Variants in SGCZ observed in about 807,000 individuals in gnomAD.
The protein encoded by SGCZ is sarcoglycan zeta, also known as zeta-sarcoglycan.
SGCZ carries 40 observed loss-of-function variants against 41.3 expected under a neutral mutation model. That is an observed-to-expected ratio of 0.97 (90% confidence interval 0.75 to 1.26). The LOEUF (loss-of-function observed/expected upper bound fraction) is 1.26, where lower values mean the gene tolerates loss of function less well. SGCZ is among the 50% of genes most tolerant of loss of function. The pLI, the probability that SGCZ is intolerant of heterozygous loss-of-function variation, is 0.00. For missense variants in SGCZ, 552 were observed against 369.8 expected (o/e 1.49, Z -4.04); for synonymous variants, 206 against 137.5 (o/e 1.50, Z -3.49).
chr8:15,121,394 C>G (rs1807471187), intron 1 of SGCZ, among the ~76,000 whole-genome samples: 2 of 152,248 alleles, frequency 1.3e-5, no homozygotes, highest in South Asian at 2.1e-4. Flanking sequence ...GAAAGCTTCT[C>G]AATGGAACAT....
chr8:15,148,810 A>G (rs969686575), intron 1 of SGCZ, among the ~76,000 whole-genome samples: 2 of 152,182 alleles, frequency 1.3e-5, no homozygotes, highest in African/African-American at 4.8e-5. Context: ...TTAAATTCCA[A>G]CATATTAACT....
chr8:15,148,713 T>C lies in SGCZ; in HGVS notation c.39+88872A>G, dbSNP rs1206551797. ...TTTCTCAGGTGACACTGATACGAGTTCTCCAAGCAAGCCTGGATGCTTGAC... is the reference window on the plus strand; with the variant it reads ...TTTCTCAGGTGACACTGATACGAGTCCTCCAAGCAAGCCTGGATGCTTGAC... On this transcript the variant is annotated intron_variant, in intron 1 of 7. Coordinates refer to ENST00000382080, the MANE Select transcript of SGCZ (RefSeq NM_139167.4). Among the ~76,000 whole-genome samples, 11 of 152,298 alleles carry C rather than the reference T, an allele frequency of 7.2e-5. No homozygotes were observed. The East Asian group carries it at 9.7e-4, about 13-fold the overall frequency.
chr8:14,440,860 C>T (rs1449469263), intron 2 of SGCZ, among the ~76,000 whole-genome samples: 3 of 151,558 alleles, frequency 2.0e-5, no homozygotes, highest in Non-Finnish European at 2.9e-5. Flanking sequence ...TGTACACACA[C>T]ACACACACAC....
chr8:15,096,219 G>A (rs1304382427), intron 1 of SGCZ, among the ~76,000 whole-genome samples: 2 of 151,782 alleles, frequency 1.3e-5, no homozygotes, highest in African/African-American at 4.8e-5. Context: ...TGAGATTACA[G>A]GTGTGCACAA....
intron 3 of SGCZ, among the ~76,000 whole-genome samples, chr8:14,261,885 A>G (rs1361860238): frequency 6.6e-6 from 1 of 152,166 alleles, no homozygotes; most frequent in East Asian, 1.9e-4. Flanking sequence ...CCAGAAGCAA[A>G]GCAAAAGTAG....
intron 1 of SGCZ, among the ~76,000 whole-genome samples, chr8:15,049,558 C>A (rs942743827): frequency 3.9e-5 from 6 of 152,078 alleles, no homozygotes; most frequent in Admixed American, 1.3e-4. Context: ...TTAGAGAAGG[C>A]CAGGAGTGGA....
intron 1 of SGCZ, among the ~76,000 whole-genome samples, chr8:14,580,450 A>G (rs1024851117): frequency 6.6e-6 from 1 of 152,304 alleles, no homozygotes; most frequent in Admixed American, 6.5e-5. Flanking sequence ...GCTTGTAAGT[A>G]TATTAAAATT....
chr8:14,594,119 G>A (rs1045470820), intron 1 of SGCZ, among the ~76,000 whole-genome samples: 1 of 151,706 alleles, frequency 6.6e-6, no homozygotes, highest in Non-Finnish European at 1.5e-5. Context: ...AGGTTACAGT[G>A]AGTCGAGATT....
intron 1 of SGCZ, among the ~76,000 whole-genome samples, chr8:14,830,126 T>C (rs1474446085): frequency 1.3e-5 from 2 of 152,238 alleles, no homozygotes; most frequent in Non-Finnish European, 1.5e-5. Context: ...TTGTATTTTT[T>C]ATTTTTTAAG....
intron 1 of SGCZ, among the ~76,000 whole-genome samples, chr8:15,137,430 A>G (rs969821302): frequency 4.6e-5 from 7 of 152,198 alleles, no homozygotes; most frequent in African/African-American, 1.4e-4. Context: ...CACCAAGACA[A>G]TGGAGTAAAT....
At chr8:14,973,070 A>G (rs970971854) in intron 1 of SGCZ, among the ~76,000 whole-genome samples, 34 of 152,166 alleles carry the variant, frequency 2.2e-4, no homozygotes, top group African/African-American at 8.2e-4. Flanking sequence ...CATACTCTTA[A>G]CATTCTCAAA....
At chr8:14,175,713 T>C (rs560244772) in intron 4 of SGCZ, among the ~76,000 whole-genome samples, 8 of 151,990 alleles carry the variant, frequency 5.3e-5, no homozygotes, top group Admixed American at 5.2e-4. Flanking sequence ...GAAAAGGAGA[T>C]TAAATACTCA....
In SGCZ at chr8:14,449,555, T is replaced by C. The variant is rs560522279; in HGVS notation, c.234+105177A>G. On this transcript the variant is annotated intron_variant, in intron 2 of 7. Transcript: ENST00000382080. ...CCTAGCTGGATATACTAAGGCTTTA[T>C]ATCTAGGTCAGTTCATTGAGTCTGT... Among the ~76,000 whole-genome samples, 4 of 152,302 alleles carry C rather than the reference T, an allele frequency of 2.6e-5. No homozygotes were observed. The South Asian group carries it at 8.3e-4, about 32-fold the overall frequency.
chr8:14,164,457 C>T lies in SGCZ; in HGVS notation c.547+123G>A, dbSNP rs144073967. On this transcript the variant is annotated intron_variant, in intron 5 of 7. Coordinates refer to ENST00000382080, the MANE Select transcript of SGCZ (RefSeq NM_139167.4). ...ATTTGAAGGCTACTTGAAGAACAAA[C>T]GTTGTGATTATGTAAGACTCTACTT... is the stretch of plus-strand genomic sequence containing the variant. 434 of 1,186,232 alleles carry T rather than the reference C, an allele frequency of 3.7e-4. 2 individuals carry two copies. The East Asian group carries it at 8.1e-3, about 22-fold the overall frequency. The allele number at this position is 1,186,232 out of a possible 1,614,324, so 73.5% of individuals were successfully genotyped here.
rs568141926 is a variant in SGCZ, at chr8:14,329,976, C to G, written c.235-5772G>C. Among the ~76,000 whole-genome samples, 12 of 152,184 alleles carry G rather than the reference C, an allele frequency of 7.9e-5. No individual in the cohort carries two copies. In the South Asian group the frequency reaches 2.3e-3, roughly 29 times the overall value. On this transcript the variant is annotated intron_variant, in intron 2 of 7. Transcript: ENST00000382080. ...ATCAAAATTTCTTGATCCATGCATTCTAGCTGCTTGAGATAATCTTCACTG... is the reference window on the plus strand; with the variant it reads ...ATCAAAATTTCTTGATCCATGCATTGTAGCTGCTTGAGATAATCTTCACTG...
chr8:14,621,178 T>C (rs986686845), intron 1 of SGCZ, among the ~76,000 whole-genome samples: 27 of 151,142 alleles, frequency 1.8e-4, no homozygotes, highest in Admixed American at 1.5e-3. Context: ...CTCAGCAAAC[T>C]ATCACAAGGA....
intron 1 of SGCZ, among the ~76,000 whole-genome samples, chr8:15,010,861 C>CAA (rs1802801668): frequency 6.6e-6 from 1 of 152,148 alleles, no homozygotes; most frequent in Non-Finnish European, 1.5e-5. Context: ...ACGTGCCAAA[C>CAA]AATAATTTGC....
intron 3 of SGCZ, among the ~76,000 whole-genome samples, chr8:14,270,070 G>C (rs538300972): frequency 5.8e-4 from 89 of 152,212 alleles, no homozygotes; most frequent in Middle Eastern, 3.4e-3. Flanking sequence ...GGTGGTTCAC[G>C]CCTATAATCC....
chr8:14,182,586 G>A lies in SGCZ; in HGVS notation c.425-17884C>T, dbSNP rs188367931. ...AGAAGGGAAGAGAATATTATAGTAC[G>A]AAGGTTTTCTCATAACAATGTAGAT... On this transcript the variant is annotated intron_variant, in intron 4 of 7. Coordinates refer to ENST00000382080, the MANE Select transcript of SGCZ (RefSeq NM_139167.4). Among the ~76,000 whole-genome samples, 1,033 of 152,194 alleles carry A rather than the reference G, an allele frequency of 6.8e-3. 12 individuals are homozygous for A. The highest frequency in any genetic ancestry group is 0.024 in the African/African-American group (987 of 41,530).
Sources: gnomAD v4.1 joint callset for allele counts (sites outside exome capture counted in the v4.1 genomes callset) on GRCh38, gnomAD v4.1.1 for gene constraint, MANE v1.5 for transcripts, NCBI Gene and HGNC (gene_info 2026-07-23, HGNC 2026-07-21) for gene names.